Variants in BRINP1 observed in about 807,000 individuals in gnomAD.
The protein encoded by BRINP1 is BMP/retinoic acid-inducible neural-specific protein 1.
BRINP1 carries 17 observed loss-of-function variants against 72.9 expected under a neutral mutation model. The ratio of observed to expected loss-of-function variants is 0.23; its 90% CI spans 0.16 to 0.35. The LOEUF (loss-of-function observed/expected upper bound fraction) is 0.35, where lower values mean the gene tolerates loss of function less well. Ranked by LOEUF, BRINP1 falls within the 10% of genes least tolerant of loss-of-function variation. The pLI, the probability that BRINP1 is intolerant of heterozygous loss-of-function variation, is 1.00. For missense variants in BRINP1, 850 were observed against 1,001.6 expected (o/e 0.85, Z 2.04); for synonymous variants, 418 against 378.5 (o/e 1.10, Z -1.21).
At chr9:119,169,400 A>T (rs550174156) in intron 7 of BRINP1, among the ~76,000 whole-genome samples, 1 of 152,198 alleles carries the variant, frequency 6.6e-6, no homozygotes, top group African/African-American at 2.4e-5. Context: ...TCACTCCCCC[A>T]CCGAATACTG....
At chr9:119,285,384 A>G (rs547035549) in intron 2 of BRINP1, among the ~76,000 whole-genome samples, 1 of 152,296 alleles carries the variant, frequency 6.6e-6, no homozygotes, top group East Asian at 1.9e-4. Context: ...GCACTGAGTA[A>G]TTTGATTCAA....
chr9:119,307,839 C>G (rs931001259), intron 2 of BRINP1, among the ~76,000 whole-genome samples: 1 of 152,084 alleles, frequency 6.6e-6, no homozygotes, highest in African/African-American at 2.4e-5. Context: ...GTAAGAAGTC[C>G]TGTGTAACTT....
intron 3 of BRINP1, among the ~76,000 whole-genome samples, chr9:119,248,046 C>T (rs1231868434): frequency 6.6e-6 from 1 of 152,222 alleles, no homozygotes; most frequent in Admixed American, 6.5e-5. Context: ...ACAAAACTGT[C>T]ACTTCCTCCA....
At chr9:119,203,464 G>A (rs1352292245) in intron 7 of BRINP1, among the ~76,000 whole-genome samples, 1 of 152,060 alleles carries the variant, frequency 6.6e-6, no homozygotes, top group Admixed American at 6.5e-5. Context: ...ATCAGTTCTT[G>A]GGGGAAAAAG....
chr9:119,361,258 A>T (rs993472651), intron 1 of BRINP1, among the ~76,000 whole-genome samples: 11 of 152,108 alleles, frequency 7.2e-5, no homozygotes, highest in African/African-American at 1.7e-4. Context: ...GAAAAAAAAA[A>T]TTAATTTCAC....
At chr9:119,227,813 ACT>A (rs1830107272) in intron 5 of BRINP1, among the ~76,000 whole-genome samples, 1 of 151,424 alleles carries the variant, frequency 6.6e-6, no homozygotes, top group Non-Finnish European at 1.5e-5. Flanking sequence ...AGACCTATTC[ACT>A]CTCTGTCTTT....
At chr9:119,227,607 C>T (rs1436179155) in intron 5 of BRINP1, among the ~76,000 whole-genome samples, 3 of 152,038 alleles carry the variant, frequency 2.0e-5, no homozygotes, top group African/African-American at 7.2e-5. Context: ...CCTCCAGGTC[C>T]CTGCTAACTG....
chr9:119,248,435 T>C (rs1469794844), intron 3 of BRINP1, among the ~76,000 whole-genome samples: 1 of 152,184 alleles, frequency 6.6e-6, no homozygotes, highest in African/African-American at 2.4e-5. Context: ...CCTTGATCAC[T>C]CAAAAACTGA....
rs889798750 is a variant in BRINP1 at position 119,302,508 on chromosome 9, T to TA, written c.218+10629dup. ...TTTTTGGGGGGGCCTATGGGAATCATAAAAAAAAATCATTGAAACCTTAAG... is the reference window on the plus strand; with the variant it reads ...TTTTTGGGGGGGCCTATGGGAATCATAAAAAAAAAATCATTGAAACCTTAAG... On this transcript the variant is annotated intron_variant, in intron 2 of 7. Transcript: ENST00000265922. Among the ~76,000 whole-genome samples, 220 of 151,354 alleles carry TA rather than the reference T, an allele frequency of 1.5e-3. 1 individual carries two copies. Among genetic ancestry groups the TA allele is most frequent in the African/African-American group, 4.6e-3 (191 of 41,248 alleles).
intron 1 of BRINP1, among the ~76,000 whole-genome samples, chr9:119,334,180 C>T (rs1204933642): frequency 2.0e-5 from 3 of 152,190 alleles, no homozygotes; most frequent in African/African-American, 7.2e-5. Context: ...GCTTCCTTGC[C>T]AGGATGCCCC....
intron 1 of BRINP1, among the ~76,000 whole-genome samples, chr9:119,341,832 C>T (rs1228831490): frequency 9.2e-5 from 14 of 152,192 alleles, no homozygotes; most frequent in Non-Finnish European, 1.8e-4. Flanking sequence ...GGCGTGATCT[C>T]GGCTCACTGC....
chr9:119,344,038 G>A (rs1350569868), intron 1 of BRINP1, among the ~76,000 whole-genome samples: 2 of 152,188 alleles, frequency 1.3e-5, no homozygotes, highest in East Asian at 1.9e-4. Flanking sequence ...CCTACAGCAT[G>A]TTGGGGAGAT....
chr9:119,325,715 C>G (rs1161735363), intron 1 of BRINP1, among the ~76,000 whole-genome samples: 1 of 152,186 alleles, frequency 6.6e-6, no homozygotes, highest in African/African-American at 2.4e-5. Flanking sequence ...AGTGATCTAT[C>G]AAAATACAGA....
At chr9:119,173,134 C>CAATT (rs1385551255) in intron 7 of BRINP1, among the ~76,000 whole-genome samples, 3 of 146,096 alleles carry the variant, frequency 2.1e-5, no homozygotes, top group Admixed American at 1.4e-4. Context: ...CTGGCCAGGG[C>CAATT]AATTAGGCAG....
intron 7 of BRINP1, among the ~76,000 whole-genome samples, chr9:119,206,526 A>G (rs1397070575): frequency 6.6e-6 from 1 of 152,020 alleles, no homozygotes; most frequent in Non-Finnish European, 1.5e-5. Context: ...AACCATCCAC[A>G]AGCCAGAAAA....
chr9:119,288,276 T>C (rs1830786967), intron 2 of BRINP1, among the ~76,000 whole-genome samples: 1 of 152,238 alleles, frequency 6.6e-6, no homozygotes, highest in African/African-American at 2.4e-5. Context: ...AATGATGTTG[T>C]TAGTATGTGA....
intron 1 of BRINP1, among the ~76,000 whole-genome samples, chr9:119,322,103 C>T (rs1311194601): frequency 6.6e-6 from 1 of 152,190 alleles, no homozygotes; most frequent in African/African-American, 2.4e-5. Flanking sequence ...GTTCAAGGGC[C>T]ACATCTCCCA....
chr9:119,351,985 G>T (rs1831512109), intron 1 of BRINP1, among the ~76,000 whole-genome samples: 2 of 151,496 alleles, frequency 1.3e-5, no homozygotes, highest in Non-Finnish European at 1.5e-5. Flanking sequence ...TTTAGTAGAG[G>T]TGGGGTTTCA....
chr9:119,175,132 A>AG (rs1233965061), intron 7 of BRINP1, among the ~76,000 whole-genome samples: 1 of 145,638 alleles, frequency 6.9e-6, no homozygotes, highest in Admixed American at 6.9e-5. Flanking sequence ...AAAAAAAAAA[A>AG]GACAAAAAAA....
Sources: allele counts gnomAD v4.1 joint callset (sites outside exome capture counted in the v4.1 genomes callset), GRCh38; gene constraint gnomAD v4.1.1; transcripts MANE v1.5; gene names NCBI Gene and HGNC (gene_info 2026-07-23, HGNC 2026-07-21).